FBXL20: variants seen among roughly 807,000 people sequenced by gnomAD.
FBXL20 encodes the protein F-box and leucine rich repeat protein 20.
In FBXL20, 11 loss-of-function variants were observed where a neutral mutation model predicts 64.0. The ratio of observed to expected loss-of-function variants is 0.17; its 90% confidence interval spans 0.11 to 0.28. The LOEUF (loss-of-function observed/expected upper bound fraction) is 0.28. Ranked by LOEUF, FBXL20 falls within the 10% of genes least tolerant of loss-of-function variation. The pLI is 1.00. For synonymous variants in FBXL20, 184 were observed against 189.0 expected, an observed-to-expected ratio of 0.97 and a Z score of 0.22; for missense variants, 303 against 526.2, an observed-to-expected ratio of 0.58 and a Z score of 4.15.
At chr17:39,346,731 T>C (rs993524550) in intron 1 of FBXL20, among the ~76,000 whole-genome samples, 2 of 152,118 alleles carry the variant, frequency 1.3e-5, no homozygotes, top group Non-Finnish European at 2.9e-5. Context: ...CTAGGGTACA[T>C]GTGCACAACA....
chr17:39,401,158 G>A (rs2048238372), intron 1 of FBXL20, among the ~76,000 whole-genome samples: 1 of 152,148 alleles, frequency 6.6e-6, no homozygotes, highest in Non-Finnish European at 1.5e-5. Context: ...GGGAAGAGAC[G>A]GGGGGCGAAC....
intron 6 of FBXL20, among the ~76,000 whole-genome samples, chr17:39,295,784 G>GATATATATATATATATATATAT (rs10568875): frequency 0.011 from 1,526 of 136,546 alleles, 14 homozygotes; most frequent in Non-Finnish European, 0.013. Context: ...CAAATATGGA[G>GATATATATATATATATATATAT]ATATATATAT....
At chr17:39,382,570 T>A (rs1362655321) in intron 1 of FBXL20, among the ~76,000 whole-genome samples, 1 of 152,090 alleles carries the variant, frequency 6.6e-6, no homozygotes. Flanking sequence ...AAGTGGCTCA[T>A]ACCTGTAATG....
chr17:39,354,632 C>CTCTA (rs1302510876), intron 1 of FBXL20, among the ~76,000 whole-genome samples: 12 of 152,314 alleles, frequency 7.9e-5, no homozygotes, highest in African/African-American at 2.6e-4. Context: ...TCTGGAAGTA[C>CTCTA]TCTAATCCCT....
chr17:39,272,718 A>AGAAAGAAAGAAAG (rs58951166), intron 10 of FBXL20, among the ~76,000 whole-genome samples: 144 of 79,860 alleles, frequency 1.8e-3, no homozygotes, highest in African/African-American at 4.8e-3. Context: ...AAAAAAAAAA[A>AGAAAGAAAGAAAG]AAAGAAAGAA....
chr17:39,383,161 C>CAAAAAAA (rs544953840), intron 1 of FBXL20, among the ~76,000 whole-genome samples: 2 of 50,246 alleles, frequency 4.0e-5, no homozygotes, highest in African/African-American at 7.4e-5. Flanking sequence ...GACTCTGTCT[C>CAAAAAAA]AAAAAAAAAA....
chr17:39,275,188 A>T, intron 9 of FBXL20, 88 bp from the exon 10 acceptor site: 1 of 1,357,450 alleles, frequency 7.4e-7, no homozygotes, highest in Non-Finnish European at 9.9e-7. Context: ...GAAAATAATC[A>T]CCAAAAAGGA....
upstream of FBXL20, chr17:39,402,143 G>A: frequency 8.1e-7 from 1 of 1,233,356 alleles, no homozygotes; most frequent in Non-Finnish European, 1.0e-6. Flanking sequence ...ATCCTTCCCG[G>A]CCACCCAGCT....
rs751513935 is a variant in FBXL20 at position 39,401,349 on chromosome 17, C to A, written c.42+12G>T. The A allele has an allele frequency of 3.4e-5, 55 of 1,612,948 alleles. 1 individual carries two copies. The Admixed American group carries it at 9.2e-4, about 27-fold the overall frequency. On this transcript the variant is annotated intron_variant, in intron 1 of 14. Transcript: ENST00000264658. ...GCCCTCCTCACGCCGCCCGAGCCCCCCAAGCTCACACCTCAAACCTGCTCT... is the reference window on the plus strand; with the variant it reads ...GCCCTCCTCACGCCGCCCGAGCCCCACAAGCTCACACCTCAAACCTGCTCT...
intron 1 of FBXL20, among the ~76,000 whole-genome samples, chr17:39,363,810 C>CAAAAAAAAAAAACAAA (rs1567896910): frequency 2.3e-3 from 62 of 26,524 alleles, no homozygotes; most frequent in African/African-American, 6.2e-3. Context: ...GACTTTATCT[C>CAAAAAAAAAAAACAAA]AAAAAAAAAA....
In FBXL20 at chr17:39,299,565, A is replaced by G. The variant is rs1367124965; in HGVS notation, c.235-481T>C. ...GGGAGGCCGAGGCGGGTGGATCACG[A>G]GGTCAGGAGATCAACACCATCCTGG... On this transcript the variant is annotated intron_variant, in intron 4 of 14. Transcript: ENST00000264658. Among the ~76,000 whole-genome samples the G allele has an allele frequency of 2.7e-5, 4 of 146,778 alleles. No homozygotes were observed. In the East Asian group the frequency reaches 8.3e-4, roughly 30 times the overall value.
At chr17:39,297,245 A>G in intron 5 of FBXL20, 50 bp from the exon 6 acceptor site, 1 of 1,125,892 alleles carries the variant, frequency 8.9e-7, no homozygotes, top group Non-Finnish European at 1.3e-6. Context: ...GCCAAATTCC[A>G]GTCATTAAAA....
chr17:39,257,668 C>A lies in FBXL20; in HGVS notation c.*3792G>T, dbSNP rs768510405. ...TCAGTATGCAAACACCAAAGACCAC[C>A]CAATGAAAAATGGCCTGAGCCACCT... On this transcript the variant is annotated 3_prime_UTR_variant, in exon 15 of 15. Coordinates refer to ENST00000264658, the MANE Select transcript of FBXL20 (RefSeq NM_032875.3). The A allele has an allele frequency of 1.3e-5, 2 of 152,188 alleles. No individual in the cohort carries two copies. Among genetic ancestry groups the A allele is most frequent in the African/African-American group, 2.4e-5 (1 of 41,442 alleles). 9.4% of individuals were successfully genotyped at this position (152,188 alleles called of 1,614,324 possible).
chr17:39,372,856 C>T (rs1326273966), intron 1 of FBXL20, among the ~76,000 whole-genome samples: 1 of 151,928 alleles, frequency 6.6e-6, no homozygotes, highest in African/African-American at 2.4e-5. Flanking sequence ...AACTCCTGAC[C>T]TCAGGTGATC....
intron 2 of FBXL20, among the ~76,000 whole-genome samples, chr17:39,320,120 C>A (rs945084353): frequency 6.2e-4 from 94 of 152,172 alleles, no homozygotes; most frequent in African/African-American, 2.2e-3. Context: ...CTTATATAAA[C>A]TAGTTTTGTA....
Position 39,293,308 on chromosome 17 carries a change from G to A in FBXL20, c.398+3819C>T, listed in dbSNP as rs144498847. Among the ~76,000 whole-genome samples, 1,085 of 151,460 alleles carry A rather than the reference G, an allele frequency of 7.2e-3. 17 individuals carry two copies. The highest frequency in any genetic ancestry group is 0.025 in the African/African-American group (1,031 of 41,252). ...ATGATCTCGGCTCACTGCAACCTCC[G>A]CATCCTGGGTTTGAGCAATTCTTCT... On this transcript the variant is annotated intron_variant, in intron 6 of 14. Transcript: ENST00000264658.
intron 2 of FBXL20, among the ~76,000 whole-genome samples, chr17:39,337,017 C>T (rs1054318062): frequency 5.3e-5 from 8 of 150,946 alleles, no homozygotes; most frequent in Admixed American, 2.0e-4. Context: ...CTCTTTCCAC[C>T]GTCTCCCTCT....
chr17:39,298,712 T>G (rs142681549), intron 5 of FBXL20, among the ~76,000 whole-genome samples: 48 of 152,144 alleles, frequency 3.2e-4, no homozygotes, highest in South Asian at 6.2e-4. Context: ...AGACCTTGTC[T>G]CAAAACATAA....
intron 1 of FBXL20, among the ~76,000 whole-genome samples, chr17:39,367,826 C>T (rs1159138067): frequency 6.6e-6 from 1 of 151,938 alleles, no homozygotes; most frequent in African/African-American, 2.4e-5. Context: ...TGCACTGGCC[C>T]AATCTCAGCT....
Sources: gnomAD v4.1 joint callset for allele counts (sites outside exome capture counted in the v4.1 genomes callset) on GRCh38, gnomAD v4.1.1 for gene constraint, MANE v1.5 for transcripts, NCBI Gene and HGNC (gene_info 2026-07-23, HGNC 2026-07-21) for gene names.